Variants in CNTN5 observed in about 807,000 individuals in gnomAD.
The protein encoded by CNTN5 is contactin 5.
CNTN5 carries 77 observed loss-of-function variants against 129.1 expected under a neutral mutation model. That is an observed-to-expected ratio of 0.60 (90% CI 0.50 to 0.72). The LOEUF (loss-of-function observed/expected upper bound fraction) is 0.72, where lower values mean the gene tolerates loss of function less well. CNTN5 is among the 30% of genes least tolerant of loss of function. The probability of loss-of-function intolerance (pLI) is 0.00; values close to 1 mark genes in which losing one functional copy is unlikely to be tolerated. For synonymous variants in CNTN5, 509 were observed against 465.6 expected (o/e 1.09, Z -1.20); for missense variants, 1,478 against 1,328.8 (o/e 1.11, Z -1.75).
chr11:99,894,531 C>T (rs201628710), intron 6 of CNTN5, among the ~76,000 whole-genome samples: 1 of 95,890 alleles, frequency 1.0e-5, no homozygotes, highest in East Asian at 3.8e-4. Context: ...AAAAAAAAAC[C>T]AAAAAACAAA....
chr11:99,679,183 T>C, intron 3 of CNTN5, among the ~76,000 whole-genome samples: 1 of 137,980 alleles, frequency 7.2e-6, no homozygotes, highest in African/African-American at 2.7e-5. Flanking sequence ...TATATAAATA[T>C]TTTATATATA....
At chr11:100,114,234 T>C (rs1945764527) in intron 13 of CNTN5, among the ~76,000 whole-genome samples, 1 of 152,144 alleles carries the variant, frequency 6.6e-6, no homozygotes, top group Non-Finnish European at 1.5e-5. Context: ...AATATTCAGA[T>C]GAAACATTTT....
At chr11:100,209,624 G>A (rs532429191) in intron 15 of CNTN5, among the ~76,000 whole-genome samples, 56 of 152,206 alleles carry the variant, frequency 3.7e-4, no homozygotes, top group Non-Finnish European at 7.6e-4. Context: ...CTAGAAGACA[G>A]TCATAATATT....
Position 99,619,889 on chromosome 11 carries a change from G to A in CNTN5, c.55+63620G>A, listed in dbSNP as rs942879689. Reference sequence around the variant, plus strand: ...AAAATACAAAAAATTAGCCGGGCATGGTGGCGGGCGCCTGTAGTCCCAGCT... The same window carrying A: ...AAAATACAAAAAATTAGCCGGGCATAGTGGCGGGCGCCTGTAGTCCCAGCT... On this transcript the variant is annotated intron_variant, in intron 3 of 24. Coordinates refer to ENST00000524871, the MANE Select transcript of CNTN5 (RefSeq NM_014361.4). Among the ~76,000 whole-genome samples, 7 of 152,050 alleles carry A rather than the reference G, an allele frequency of 4.6e-5. No homozygotes were observed. The East Asian group carries it at 9.7e-4, about 21-fold the overall frequency.
chr11:99,891,054 C>T (rs1295657872), intron 6 of CNTN5, among the ~76,000 whole-genome samples: 2 of 152,028 alleles, frequency 1.3e-5, no homozygotes, highest in Non-Finnish European at 2.9e-5. Flanking sequence ...GACATGACAA[C>T]AATGTAATAT....
chr11:99,364,298 A>C (rs1281896018), intron 2 of CNTN5, among the ~76,000 whole-genome samples: 1 of 152,144 alleles, frequency 6.6e-6, no homozygotes, highest in Admixed American at 6.6e-5. Context: ...TCACTGCAAT[A>C]ATACATTCAT....
chr11:99,036,822 C>G (rs995708517), intron 1 of CNTN5, among the ~76,000 whole-genome samples: 4 of 151,972 alleles, frequency 2.6e-5, no homozygotes, highest in African/African-American at 4.8e-5. Context: ...TTTGAACATC[C>G]CTTTATGTTT....
intron 3 of CNTN5, among the ~76,000 whole-genome samples, chr11:99,642,184 T>C (rs1454583140): frequency 1.3e-5 from 2 of 152,280 alleles, no homozygotes; most frequent in South Asian, 2.1e-4. Context: ...TGATGTGTTA[T>C]GTAATAGGAG....
chr11:100,142,494 A>C (rs552063251), intron 13 of CNTN5, among the ~76,000 whole-genome samples: 2 of 152,320 alleles, frequency 1.3e-5, no homozygotes, highest in South Asian at 2.1e-4. Flanking sequence ...TTCTATATGA[A>C]ACTACAAATA....
At chr11:99,947,110 G>A (rs980498199) in intron 7 of CNTN5, among the ~76,000 whole-genome samples, 5 of 151,480 alleles carry the variant, frequency 3.3e-5, no homozygotes, top group African/African-American at 1.2e-4. Context: ...TAAAAACTAT[G>A]TGATTTTACA....
intron 1 of CNTN5, among the ~76,000 whole-genome samples, chr11:99,053,279 T>C (rs1864498790): frequency 6.6e-6 from 1 of 151,920 alleles, no homozygotes; most frequent in Non-Finnish European, 1.5e-5. Context: ...AACTAATTTT[T>C]TGCTGATAGC....
At chr11:99,201,371 CTTCCTTCCTTCT>C (rs1859189538) in intron 1 of CNTN5, among the ~76,000 whole-genome samples, 2 of 148,016 alleles carry the variant, frequency 1.4e-5, no homozygotes, top group African/African-American at 5.0e-5. Context: ...TCCTTCCTTC[CTTCCTTCCTTCT>C]TTCCTTCCTT....
At chr11:99,853,861 GTCAAGGTATT>G (rs1330414231) in intron 6 of CNTN5, among the ~76,000 whole-genome samples, 1 of 151,984 alleles carries the variant, frequency 6.6e-6, no homozygotes, top group Non-Finnish European at 1.5e-5. Flanking sequence ...GCTGAGGGAA[GTCAAGGTATT>G]TCTTCAGCCA....
chr11:99,444,719 T>C (rs1000815367), intron 2 of CNTN5, among the ~76,000 whole-genome samples: 2 of 152,106 alleles, frequency 1.3e-5, no homozygotes, highest in Non-Finnish European at 2.9e-5. Flanking sequence ...TATGTATACA[T>C]ATATATTTGG....
rs10650307 is a variant in CNTN5, at chr11:99,846,129, G to GACACACACACAC, written c.577+888_577+899dup. Among the ~76,000 whole-genome samples, 1,109 of 144,702 alleles carry GACACACACACAC rather than the reference G, an allele frequency of 7.7e-3. 8 individuals carry two copies. The highest frequency in any genetic ancestry group is 0.033 in the South Asian group (148 of 4,526). 94.9% of individuals were successfully genotyped at this position (144,702 alleles called of 152,430 possible). On this transcript the variant is annotated intron_variant, in intron 6 of 24. Coordinates refer to ENST00000524871, the MANE Select transcript of CNTN5 (RefSeq NM_014361.4). ...TATTGTATGTGGCTATACGGACATAGACACACACACACACACACACACACA... is the reference window on the plus strand; with the variant it reads ...TATTGTATGTGGCTATACGGACATAGACACACACACACACACACACACACACACACACACACA...
At chr11:99,355,367 C>T (rs1022612437) in intron 2 of CNTN5, among the ~76,000 whole-genome samples, 14 of 152,016 alleles carry the variant, frequency 9.2e-5, no homozygotes, top group African/African-American at 3.4e-4. Flanking sequence ...TTAATTAAAG[C>T]ATAATAAAAT....
rs942692789 is a variant in CNTN5 at position 99,178,367 on chromosome 11, C to A, written c.-209-146979C>A. 2.5e-5 allele frequency among the ~76,000 whole-genome samples: 3 copies of A among 120,126 alleles called. No individual in the cohort carries two copies. In the Admixed American group the frequency reaches 2.5e-4, roughly 10 times the overall value. 78.8% of individuals were successfully genotyped at this position (120,126 alleles called of 152,430 possible). ...ACACACACACACACACACACACACA[C>A]AAAATTAGCCAGGTGTGGGGCTGTG... On this transcript the variant is annotated intron_variant, in intron 1 of 24. Coordinates refer to ENST00000524871, the MANE Select transcript of CNTN5 (RefSeq NM_014361.4).
At chr11:100,256,048 A>C (rs1007715662) in intron 17 of CNTN5, 130 bp downstream of exon 17, 11 of 805,524 alleles carry the variant, frequency 1.4e-5, no homozygotes, top group African/African-American at 1.7e-5. Context: ...CAATATTGAC[A>C]ATTCTTTGCT....
At chr11:99,791,746 G>A (rs1945750931) in intron 3 of CNTN5, among the ~76,000 whole-genome samples, 1 of 152,146 alleles carries the variant, frequency 6.6e-6, no homozygotes, top group Admixed American at 6.5e-5. Context: ...TCCTATAAGA[G>A]TGGAATATTT....
Sources: gnomAD v4.1 joint callset for allele counts (sites outside exome capture counted in the v4.1 genomes callset) on GRCh38, gnomAD v4.1.1 for gene constraint, MANE v1.5 for transcripts, NCBI Gene and HGNC (gene_info 2026-07-23, HGNC 2026-07-21) for gene names.